Variants in MANBA observed in about 807,000 individuals in gnomAD.
MANBA encodes beta-mannosidase.
A neutral mutation model predicts 111.1 loss-of-function variants in MANBA; 83 were observed. The observed-to-expected ratio is 0.75, with a 90% CI of 0.63 to 0.90. The LOEUF (loss-of-function observed/expected upper bound fraction) is 0.90, where lower values mean the gene tolerates loss of function less well. MANBA is among the 40% of genes least tolerant of loss of function. The pLI is 0.00. For missense variants in MANBA, 1,036 were observed against 1,069.0 expected (o/e 0.97, Z 0.43); for synonymous variants, 370 against 378.7 (o/e 0.98, Z 0.27).
intron 8 of MANBA, 77 bp from the exon 9 acceptor site, chr4:102,671,475 C>G: frequency 1.2e-6 from 1 of 865,496 alleles, no homozygotes; most frequent in Non-Finnish European, 1.9e-6. Context: ...CATTTCTAAT[C>G]TGTTAGAAAA....
At chr4:102,754,473 C>T (rs764391716) in intron 1 of MANBA, among the ~76,000 whole-genome samples, 29 of 152,056 alleles carry the variant, frequency 1.9e-4, no homozygotes, top group Non-Finnish European at 4.0e-4. Context: ...AGCCACTAAA[C>T]ATGGTTTATA....
chr4:102,706,375 G>A (rs1051456335), intron 5 of MANBA, among the ~76,000 whole-genome samples: 11 of 152,138 alleles, frequency 7.2e-5, no homozygotes, highest in African/African-American at 2.2e-4. Context: ...AAATCAAACA[G>A]AAACTATACT....
At chr4:102,721,931 T>C (rs1431317149) in intron 4 of MANBA, among the ~76,000 whole-genome samples, 2 of 149,378 alleles carry the variant, frequency 1.3e-5, no homozygotes, top group South Asian at 2.1e-4. Flanking sequence ...TCAAGAGACC[T>C]AGGTGGGAGC....
At chr4:102,657,463 T>A (rs546703161) in intron 12 of MANBA, among the ~76,000 whole-genome samples, 1 of 152,118 alleles carries the variant, frequency 6.6e-6, no homozygotes, top group Non-Finnish European at 1.5e-5. Context: ...AACCACTGGG[T>A]CCCATTCAGT....
chr4:102,734,762 A>T, intron 1 of MANBA: 1 of 594,026 alleles, frequency 1.7e-6, no homozygotes, highest in South Asian at 2.1e-5. Context: ...CTAGACAGTC[A>T]TGACAGTCCC....
At chr4:102,657,305 T>G (rs1730609017) in intron 12 of MANBA, among the ~76,000 whole-genome samples, 1 of 152,092 alleles carries the variant, frequency 6.6e-6, no homozygotes, top group African/African-American at 2.4e-5. Context: ...CTAAGGTTTA[T>G]TTATCACATT....
intron 7 of MANBA, among the ~76,000 whole-genome samples, chr4:102,681,072 C>T (rs77739565): frequency 0.024 from 3,581 of 152,222 alleles, 72 homozygotes; most frequent in Non-Finnish European, 0.035. Flanking sequence ...GAGGCTGAAG[C>T]GGGAGGGTTG....
intron 11 of MANBA, among the ~76,000 whole-genome samples, chr4:102,661,936 T>C (rs1730975744): frequency 6.6e-6 from 1 of 152,242 alleles, no homozygotes; most frequent in Non-Finnish European, 1.5e-5. Context: ...CTTTTTATGA[T>C]GCCTAATACT....
In MANBA at chr4:102,668,958, C is replaced by A. The variant is rs761776267; in HGVS notation, c.1317+5G>T. On this transcript the variant is annotated splice_donor_5th_base_variant and intron_variant, in intron 10 of 16. Coordinates refer to ENST00000647097, the MANE Select transcript of MANBA (RefSeq NM_005908.4). ...TTATTTCTTCTTGGAAGGGTAGTAA[C>A]ATACCTGGTAGGCAACTTCTGCTGT... The A allele has an allele frequency of 6.2e-7, 1 of 1,603,698 alleles. No individual in the cohort carries two copies. Among genetic ancestry groups the A allele is most frequent in the East Asian group, 2.2e-5 (1 of 44,806 alleles).
At chr4:102,709,387 A>G (rs1049877747) in intron 5 of MANBA, among the ~76,000 whole-genome samples, 24 of 130,072 alleles carry the variant, frequency 1.8e-4, no homozygotes, top group Admixed American at 2.3e-4. Context: ...AGGAAGGAAG[A>G]AAGAAAGAAA....
chr4:102,678,157 T>C (rs2110230610), intron 7 of MANBA, among the ~76,000 whole-genome samples: 1 of 152,290 alleles, frequency 6.6e-6, no homozygotes, highest in East Asian at 1.9e-4. Flanking sequence ...TTCCTTTCTG[T>C]GCAAATGTTC....
chr4:102,760,968 C>T lies in MANBA; in HGVS notation c.-74G>A. ...GCAAGGGACCGGCGGTGAAGCCACTCACCCCCTCGGAAGTAGCCGAGGCTT... is the reference window on the plus strand; with the variant it reads ...GCAAGGGACCGGCGGTGAAGCCACTTACCCCCTCGGAAGTAGCCGAGGCTT... On this transcript the variant is annotated 5_prime_UTR_variant, in exon 1 of 17. Transcript: ENST00000647097. 7.1e-7 allele frequency: 1 copy of T among 1,412,246 alleles called. No homozygotes were observed. Among genetic ancestry groups the T allele is most frequent in the South Asian group, 1.2e-5 (1 of 81,302 alleles). The allele number at this position is 1,412,246 out of a possible 1,614,324, so 87.5% of individuals were successfully genotyped here. A position where few individuals can be genotyped will look rare whatever the true frequency, so the allele number is the denominator to read the frequency against.
In MANBA at chr4:102,635,653, C is replaced by T. The variant is rs545153482; in HGVS notation, c.2157+212G>A. ...CATAGAAATCCTGTAAGAAGAGAGA[C>T]TGGTATCATTTTACTGAGAAGAAAT... On this transcript the variant is annotated intron_variant, in intron 15 of 16. Coordinates refer to ENST00000647097, the MANE Select transcript of MANBA (RefSeq NM_005908.4). Among the ~76,000 whole-genome samples, 5 of 152,230 alleles carry T rather than the reference C, an allele frequency of 3.3e-5. No individual in the cohort carries two copies. In the South Asian group the frequency reaches 1.0e-3, roughly 32 times the overall value.
At chr4:102,759,014 C>T (rs763734548) in intron 1 of MANBA, among the ~76,000 whole-genome samples, 4 of 152,142 alleles carry the variant, frequency 2.6e-5, no homozygotes, top group Non-Finnish European at 4.4e-5. Flanking sequence ...TGAGCAAATT[C>T]ATTTTCATTA....
rs1248294386 is a variant in MANBA, at chr4:102,732,605, G to C, written c.178-5922C>G. On this transcript the variant is annotated intron_variant, in intron 1 of 16. Coordinates refer to ENST00000647097, the MANE Select transcript of MANBA (RefSeq NM_005908.4). ...AATATTTTGATAAGCTACTAGAGGA[G>C]AGAGTGACTGATGAGATTTAAAACA... Among the ~76,000 whole-genome samples, 3 of 152,206 alleles carry C rather than the reference G, an allele frequency of 2.0e-5. No individual in the cohort carries two copies. The East Asian group carries it at 5.8e-4, about 29-fold the overall frequency.
intron 1 of MANBA, chr4:102,751,516 A>C: frequency 3.8e-6 from 2 of 532,072 alleles, no homozygotes. Context: ...ATCATCAATA[A>C]ATTACTAAAG....
At chr4:102,735,511 G>A (rs1239636460) in intron 1 of MANBA, among the ~76,000 whole-genome samples, 29 of 98,844 alleles carry the variant, frequency 2.9e-4, no homozygotes, top group Admixed American at 5.1e-4. Context: ...CTCTTACTAA[G>A]AGAAAATACC....
chr4:102,726,748 A>T, intron 1 of MANBA, 65 bp from the exon 2 acceptor site: 3 of 832,592 alleles, frequency 3.6e-6, no homozygotes, highest in Non-Finnish European at 6.2e-6. Context: ...AATAAAACAA[A>T]CATAAAATAA....
intron 1 of MANBA, chr4:102,727,895 C>T (rs1388691573): frequency 7.6e-6 from 4 of 524,578 alleles, no homozygotes; most frequent in African/African-American, 1.9e-5. Context: ...ATTTATGAGG[C>T]TTTTCACTGC....
Sources: gnomAD v4.1 joint callset for allele counts (sites outside exome capture counted in the v4.1 genomes callset) on GRCh38, gnomAD v4.1.1 for gene constraint, MANE v1.5 for transcripts, NCBI Gene and HGNC (gene_info 2026-07-23, HGNC 2026-07-21) for gene names.